Variants in BAZ2B observed in about 807,000 individuals in gnomAD.
BAZ2B encodes the protein bromodomain adjacent to zinc finger domain protein 2B.
In BAZ2B, 91 loss-of-function variants were observed where a neutral mutation model predicts 246.0. The ratio of observed to expected loss-of-function variants is 0.37; its 90% CI spans 0.31 to 0.44. BAZ2B has a LOEUF of 0.44. Ranked by LOEUF, BAZ2B falls within the 20% of genes least tolerant of loss-of-function variation. The pLI is 1.00. For synonymous variants in BAZ2B, 855 were observed against 860.0 expected, an observed-to-expected ratio of 0.99 and a Z score of 0.10; for missense variants, 2,332 against 2,533.7, an observed-to-expected ratio of 0.92 and a Z score of 1.71.
the BAZ2B span, among the ~76,000 whole-genome samples, chr2:159,704,937 C>T: frequency 2.0e-5 from 3 of 151,864 alleles, no homozygotes; most frequent in African/African-American, 7.3e-5. Flanking sequence ...CTCCTGACCT[C>T]GTGATCCGCC....
At chr2:159,424,040 T>C (rs774478522) in intron 13 of BAZ2B, among the ~76,000 whole-genome samples, 1 of 152,172 alleles carries the variant, frequency 6.6e-6, no homozygotes, top group Non-Finnish European at 1.5e-5. Flanking sequence ...TAAAGCACTG[T>C]GTCCCTAAAA....
In BAZ2B at chr2:159,398,871, T is replaced by C. The variant is rs944789913; in HGVS notation, c.2922A>G (p.Glu974=). Residue 974 remains glutamate, a synonymous_variant, in exon 18 of 37, where the codon GAA becomes GAG. Transcript: ENST00000392783. ...CCTCCAATAATTTGGCATTTGCCGC[T>C]TCTTCCTTCTTTTTCTTTTTAGCCT... The part of the protein sequence containing the change: ...ILEAKKKKKE[E]AANAKLLEAE... 3.1e-6 allele frequency: 5 copies of C among 1,611,194 alleles called. No individual in the cohort carries two copies. The highest frequency in any genetic ancestry group is 4.2e-6 in the Non-Finnish European group (5 of 1,179,816).
chr2:159,425,975 C>T (rs2069765662), intron 13 of BAZ2B, among the ~76,000 whole-genome samples: 1 of 152,124 alleles, frequency 6.6e-6, no homozygotes, highest in South Asian at 2.1e-4. Flanking sequence ...GGATGACTTA[C>T]CTTTAATTGT....
intron 2 of BAZ2B, among the ~76,000 whole-genome samples, chr2:159,540,489 T>G (rs1443562322): frequency 1.3e-5 from 2 of 152,240 alleles, no homozygotes; most frequent in Non-Finnish European, 2.9e-5. Flanking sequence ...GATTCTAGAA[T>G]TCTTTTCTTT....
chr2:159,702,518 TTTTA>T, the BAZ2B span, among the ~76,000 whole-genome samples: 3 of 152,238 alleles, frequency 2.0e-5, no homozygotes, highest in South Asian at 2.1e-4. Flanking sequence ...ACAAAAAAAT[TTTTA>T]TTTTAGTAGT....
chr2:159,386,304 T>C, intron 22 of BAZ2B, 49 bp downstream of exon 22: 1 of 1,499,768 alleles, frequency 6.7e-7, no homozygotes, highest in Non-Finnish European at 9.0e-7. Context: ...TATCTACCAA[T>C]GCACTGACAG....
chr2:159,572,117 G>T (rs1293479418), intron 1 of BAZ2B, among the ~76,000 whole-genome samples: 3 of 152,162 alleles, frequency 2.0e-5, no homozygotes, highest in African/African-American at 7.2e-5. Context: ...AGATCCATGT[G>T]CTGAGAGGGT....
At chr2:159,375,246 C>T (rs1161954331) in intron 25 of BAZ2B, among the ~76,000 whole-genome samples, 1 of 152,008 alleles carries the variant, frequency 6.6e-6, no homozygotes, top group Non-Finnish European at 1.5e-5. Flanking sequence ...CAATAAACTC[C>T]CCCAAAGCAG....
chr2:159,380,200 T>A (rs1396695963), intron 25 of BAZ2B, among the ~76,000 whole-genome samples: 2 of 152,196 alleles, frequency 1.3e-5, no homozygotes, highest in African/African-American at 4.8e-5. Context: ...CCATCAAAAA[T>A]CATCTCGTCT....
downstream of BAZ2B, among the ~76,000 whole-genome samples, chr2:159,316,633 T>G (rs1009213527): frequency 4.8e-5 from 6 of 123,770 alleles, no homozygotes; most frequent in African/African-American, 1.5e-4. Flanking sequence ...GAGCTTGCAG[T>G]GAGCCGAGAT....
At chr2:159,642,230 C>T in the BAZ2B span, among the ~76,000 whole-genome samples, 2 of 134,676 alleles carry the variant, frequency 1.5e-5, no homozygotes, top group Non-Finnish European at 1.6e-5. Flanking sequence ...TTTTTCCTTT[C>T]TTTCTTTCTT....
rs185300367 is a variant in BAZ2B, at chr2:159,375,546, G to A, written c.4006-793C>T. 1.4e-3 allele frequency among the ~76,000 whole-genome samples: 215 copies of A among 152,306 alleles called. 2 individuals are homozygous for A. The highest frequency in any genetic ancestry group is 1.4e-3 in the Non-Finnish European group (97 of 68,032). On this transcript the variant is annotated intron_variant, in intron 25 of 36. Transcript: ENST00000392783. ...CAATTAACAAAATGATCCTTTGAGGGTGGGTTAAATATCAGAACTATGCTT... is the reference window on the plus strand; with the variant it reads ...CAATTAACAAAATGATCCTTTGAGGATGGGTTAAATATCAGAACTATGCTT...
At chr2:159,458,181 TGTATTTTCA>T (rs1365573506) in intron 3 of BAZ2B, 1 of 151,546 alleles carries the variant, frequency 6.6e-6, no homozygotes, top group East Asian at 1.9e-4. Flanking sequence ...CTAATTTTTT[TGTATTTTCA>T]GTAGAGACAG....
intron 31 of BAZ2B, among the ~76,000 whole-genome samples, chr2:159,343,571 T>G (rs2067142964): frequency 6.6e-6 from 1 of 151,852 alleles, no homozygotes; most frequent in Non-Finnish European, 1.5e-5. Flanking sequence ...ACAATCTGAT[T>G]AAAAATGGGC....
At chr2:159,490,514 TTTTG>T (rs1422252125) in intron 2 of BAZ2B, among the ~76,000 whole-genome samples, 3 of 152,110 alleles carry the variant, frequency 2.0e-5, no homozygotes, top group South Asian at 2.1e-4. Flanking sequence ...TTTAGAGTTT[TTTTG>T]TTTGTTTGTT....
chr2:159,355,011 T>G (rs949132981), intron 27 of BAZ2B, among the ~76,000 whole-genome samples: 1 of 152,210 alleles, frequency 6.6e-6, no homozygotes, highest in African/African-American at 2.4e-5. Flanking sequence ...CTGACCCCTG[T>G]TAGTTCACTT....
At chr2:159,712,196 C>G in the BAZ2B span, 1 of 151,930 alleles carries the variant, frequency 6.6e-6, no homozygotes. Context: ...AGGGAAGGGG[C>G]TGGCTCAGAG....
chr2:159,421,387 C>G (rs2150051300), intron 13 of BAZ2B, among the ~76,000 whole-genome samples: 1 of 152,126 alleles, frequency 6.6e-6, no homozygotes, highest in East Asian at 1.9e-4. Flanking sequence ...ATTGCTCAGG[C>G]TAGTCTTGAA....
At chr2:159,377,751 G>T (rs1440715308) in intron 25 of BAZ2B, among the ~76,000 whole-genome samples, 1 of 147,744 alleles carries the variant, frequency 6.8e-6, no homozygotes, top group Non-Finnish European at 1.5e-5. Context: ...GGCGGAGGTT[G>T]CAGTGAGCTG....
Sources: gnomAD v4.1 joint callset for allele counts (sites outside exome capture counted in the v4.1 genomes callset) on GRCh38, gnomAD v4.1.1 for gene constraint, MANE v1.5 for transcripts, NCBI Gene and HGNC (gene_info 2026-07-23, HGNC 2026-07-21) for gene names.